Variants in SIDT1 observed in about 807,000 individuals in gnomAD.
The protein encoded by SIDT1 is SID1 transmembrane family member 1.
In SIDT1, 101 loss-of-function variants were observed where a neutral mutation model predicts 107.5. The ratio of observed to expected loss-of-function variants is 0.94; its 90% confidence interval spans 0.80 to 1.11. The LOEUF is 1.11. Ranked by LOEUF, SIDT1 falls within the 50% of genes least tolerant of loss-of-function variation. The pLI is 0.00. For missense variants in SIDT1, 1,076 were observed against 1,058.2 expected (o/e 1.02, Z -0.23); for synonymous variants, 395 against 398.2 (o/e 0.99, Z 0.10).
intron 9 of SIDT1, among the ~76,000 whole-genome samples, chr3:113,587,588 A>G (rs1943835320): frequency 1.3e-5 from 2 of 152,356 alleles, no homozygotes; most frequent in South Asian, 2.1e-4. Context: ...AGAAAACAGC[A>G]TATGATACAT....
chr3:113,539,049 C>G (rs570247092), intron 1 of SIDT1, among the ~76,000 whole-genome samples: 2 of 151,954 alleles, frequency 1.3e-5, no homozygotes, highest in African/African-American at 4.8e-5. Context: ...ACTTCTATAA[C>G]GGGAAACTTC....
chr3:113,584,643 A>G, intron 7 of SIDT1, 55 bp from the exon 8 acceptor site: 3 of 1,308,632 alleles, frequency 2.3e-6, no homozygotes, highest in Non-Finnish European at 3.2e-6. Flanking sequence ...GAGACCAAAA[A>G]AAATCATTAT....
downstream of SIDT1, among the ~76,000 whole-genome samples, chr3:113,633,621 T>C (rs970983183): frequency 4.6e-5 from 7 of 152,186 alleles, no homozygotes; most frequent in South Asian, 2.1e-4. Flanking sequence ...CAGGGAAAGA[T>C]AGCTGCTTTG....
At chr3:113,630,032 A>G (rs1947075653), downstream of SIDT1, among the ~76,000 whole-genome samples, 1 of 152,168 alleles carries the variant, frequency 6.6e-6, no homozygotes, top group Non-Finnish European at 1.5e-5. Context: ...GAGCACAGAG[A>G]GCTTAAAGAG....
At position 113,606,680 on chromosome 3, in the gene SIDT1, CT is replaced by C. The variant is rs146779884; in HGVS notation, c.1405-360del. The C allele has an allele frequency of 2.4e-3, 409 of 173,212 alleles. 2 individuals are homozygous for C. Among genetic ancestry groups the C allele is most frequent in the African/African-American group, 9.2e-3 (393 of 42,600 alleles). 10.7% of individuals were successfully genotyped at this position (173,212 alleles called of 1,614,324 possible). A position where few individuals can be genotyped will look rare whatever the true frequency, so the allele number is the denominator to read the frequency against. ...AGAGGATGGGACAGCTCTATATCCC[CT>C]CTGCAGTAACCTAGAAAATAAGACA... On this transcript the variant is annotated intron_variant, in intron 14 of 24. Transcript: ENST00000264852.
At position 113,551,101 on chromosome 3, in the gene SIDT1, C is replaced by T. The variant is rs114781776; in HGVS notation, c.223-15319C>T. Among the ~76,000 whole-genome samples the T allele has an allele frequency of 2.4e-3, 360 of 152,262 alleles. 1 individual carries two copies. The highest frequency in any genetic ancestry group is 8.2e-3 in the African/African-American group (340 of 41,540). On this transcript the variant is annotated intron_variant, in intron 1 of 24. Transcript: ENST00000264852. The stretch of plus-strand genomic sequence containing the variant: ...CCTGCAAAGGACATAATCTCATTCT[C>T]TTTTATGGCTGTGTAGTATTCCATG...
At chr3:113,611,558 T>C (rs1481310624) in intron 18 of SIDT1, among the ~76,000 whole-genome samples, 3 of 152,212 alleles carry the variant, frequency 2.0e-5, no homozygotes, top group Non-Finnish European at 4.4e-5. Flanking sequence ...CCTGACCTCA[T>C]GATCTGCCCA....
At chr3:113,601,796 G>C in intron 11 of SIDT1, 137 bp downstream of exon 11, 1 of 561,402 alleles carries the variant, frequency 1.8e-6, no homozygotes, top group Non-Finnish European at 3.1e-6. Context: ...TTTGTAAGAT[G>C]AGTTGCTTGG....
At chr3:113,623,076 G>C (rs928904378) in intron 21 of SIDT1, among the ~76,000 whole-genome samples, 9 of 150,832 alleles carry the variant, frequency 6.0e-5, no homozygotes, top group Non-Finnish European at 1.3e-4. Context: ...CTGTAGTCCC[G>C]GATACCAGAG....
intron 15 of SIDT1, 43 bp downstream of exon 15, chr3:113,607,157 C>T (rs1285962992): frequency 8.0e-7 from 1 of 1,253,594 alleles, no homozygotes; most frequent in Non-Finnish European, 1.2e-6. Context: ...TTTAGAGATG[C>T]CTTTCTGTCT....
At chr3:113,565,811 G>A (rs1245399017) in intron 1 of SIDT1, among the ~76,000 whole-genome samples, 1 of 152,144 alleles carries the variant, frequency 6.6e-6, no homozygotes, top group Non-Finnish European at 1.5e-5. Context: ...CCATCTGTTA[G>A]GCTTTAATAA....
chr3:113,586,545 T>C (rs956440138), intron 9 of SIDT1, among the ~76,000 whole-genome samples: 1 of 152,210 alleles, frequency 6.6e-6, no homozygotes, highest in Non-Finnish European at 1.5e-5. Flanking sequence ...GAATCATCGA[T>C]GAATGCCAAA....
chr3:113,595,390 T>C (rs1424092846), intron 10 of SIDT1, among the ~76,000 whole-genome samples: 1 of 152,054 alleles, frequency 6.6e-6, no homozygotes, highest in Admixed American at 6.6e-5. Flanking sequence ...CTAGGCAACA[T>C]AGTAAGACTT....
At chr3:113,619,184 T>C (rs1332058813) in intron 20 of SIDT1, among the ~76,000 whole-genome samples, 1 of 152,184 alleles carries the variant, frequency 6.6e-6, no homozygotes, top group Non-Finnish European at 1.5e-5. Flanking sequence ...GTCTATATTG[T>C]AGACACAGGA....
chr3:113,611,176 C>G, intron 18 of SIDT1, 32 bp downstream of exon 18: 1 of 1,608,320 alleles, frequency 6.2e-7, no homozygotes, highest in Non-Finnish European at 8.5e-7. Context: ...ACCTGGCTCT[C>G]GAAAAGTGCC....
chr3:113,551,926 G>A (rs1173311929), intron 1 of SIDT1, among the ~76,000 whole-genome samples: 3 of 151,994 alleles, frequency 2.0e-5, no homozygotes, highest in Admixed American at 6.5e-5. Flanking sequence ...TTGGAGACCC[G>A]AGCAGTTGGC....
chr3:113,627,815 C>G lies in SIDT1; in HGVS notation c.*107C>G, dbSNP rs1485212758. 2 of 982,762 alleles carry G rather than the reference C, an allele frequency of 2.0e-6. No homozygotes were observed. The highest frequency in any genetic ancestry group is 3.2e-5 in the African/African-American group (2 of 62,580). The allele number at this position is 982,762 out of a possible 1,614,324, so 60.9% of individuals were successfully genotyped here. ...CACTGCCAGATGCTCCACTCACCCTCTGTAGAGCCAACTCTGCATTCACAC... is the reference window on the plus strand; with the variant it reads ...CACTGCCAGATGCTCCACTCACCCTGTGTAGAGCCAACTCTGCATTCACAC... On this transcript the variant is annotated 3_prime_UTR_variant, in exon 25 of 25. Coordinates refer to ENST00000264852, the MANE Select transcript of SIDT1 (RefSeq NM_017699.3).
chr3:113,606,913 G>C, intron 14 of SIDT1, 128 bp from the exon 15 acceptor site: 5 of 669,824 alleles, frequency 7.5e-6, no homozygotes. Flanking sequence ...TCTGTGCAGA[G>C]GAGCACTGGT....
intron 9 of SIDT1, among the ~76,000 whole-genome samples, chr3:113,587,907 C>T (rs867890802): frequency 3.3e-5 from 5 of 152,252 alleles, no homozygotes; most frequent in Non-Finnish European, 5.9e-5. Context: ...AAGCCTGGCA[C>T]CCCAGCAAGG....
Sources: allele counts gnomAD v4.1 joint callset (sites outside exome capture counted in the v4.1 genomes callset), GRCh38; gene constraint gnomAD v4.1.1; transcripts MANE v1.5; gene names NCBI Gene and HGNC (gene_info 2026-07-23, HGNC 2026-07-21).